CCNB3: variants seen among roughly 807,000 people sequenced by gnomAD.
The protein encoded by CCNB3 is G2/mitotic-specific cyclin-B3.
A neutral mutation model predicts 68.0 loss-of-function variants in CCNB3; 12 were observed. The observed-to-expected ratio is 0.18, with a 90% CI of 0.11 to 0.29. CCNB3 has a LOEUF of 0.29. Among genes scored for constraint, CCNB3 ranks in the 10% least tolerant of loss-of-function variants. The pLI is 1.00. For missense variants in CCNB3, 904 were observed against 993.1 expected, an observed-to-expected ratio of 0.91 and a Z score of 1.21; for synonymous variants, 354 against 388.9, an observed-to-expected ratio of 0.91 and a Z score of 1.06.
intron 5 of CCNB3, among the ~76,000 whole-genome samples, chrX:50,299,045 A>T (rs1251871980): frequency 9.0e-6 from 1 of 111,110 alleles, no homozygotes; most frequent in Admixed American, 9.6e-5. Context: ...TATTCTTGCT[A>T]GCGGTCTATC....
intron 1 of CCNB3, among the ~76,000 whole-genome samples, chrX:50,228,146 TATAA>T (rs1335336546): frequency 1.1e-5 from 1 of 91,023 alleles, no homozygotes; most frequent in Admixed American, 1.4e-4. Flanking sequence ...ATAATATATA[TATAA>T]ATATCTACAT....
rs901907731 is a variant in CCNB3 at position 50,328,464 on chromosome X, A to G, written c.3517-13738A>G. Among the ~76,000 whole-genome samples the G allele has an allele frequency of 1.1e-4, 12 of 111,239 alleles. No homozygotes were observed. In the East Asian group the frequency reaches 3.4e-3, roughly 32 times the overall value. Reference sequence around the variant, plus strand: ...AGTGGGGGAAGTGCCATACACTTTTAAACAACCAGATTTTGCAAGAACTCA... The same window carrying G: ...AGTGGGGGAAGTGCCATACACTTTTGAACAACCAGATTTTGCAAGAACTCA... On this transcript the variant is annotated intron_variant, in intron 8 of 12. Coordinates refer to ENST00000376042, the MANE Select transcript of CCNB3 (RefSeq NM_033031.3).
intron 5 of CCNB3, among the ~76,000 whole-genome samples, chrX:50,298,691 A>C (rs1185827490): frequency 1.1e-4 from 12 of 111,356 alleles, no homozygotes; most frequent in Non-Finnish European, 1.9e-5. Flanking sequence ...TGATTGGAAT[A>C]GTTTCAGAAG....
chrX:50,314,283 G>A (rs1263011212), intron 8 of CCNB3, among the ~76,000 whole-genome samples: 3 of 111,643 alleles, frequency 2.7e-5, no homozygotes, highest in Admixed American at 9.5e-5. Context: ...TTTGGACTGG[G>A]GTCGATGACA....
In CCNB3 at chrX:50,283,874, TTTTTC is replaced by T. The variant is rs778967445; in HGVS notation, c.-112-658_-112-654del. Among the ~76,000 whole-genome samples, 10 of 110,773 alleles carry T rather than the reference TTTTTC, an allele frequency of 9.0e-5. No individual in the cohort carries two copies. In the East Asian group the frequency reaches 2.5e-3, roughly 28 times the overall value. ...ATTACTGGCTTTCCATTATGTTTCT[TTTTTC>T]TTTTCTTTTTTTTTTTTAGTTTGGC... On this transcript the variant is annotated intron_variant, in intron 1 of 12. Coordinates refer to ENST00000376042, the MANE Select transcript of CCNB3 (RefSeq NM_033031.3).
chrX:50,224,890 T>C (rs1935728320), intron 1 of CCNB3, among the ~76,000 whole-genome samples: 1 of 111,741 alleles, frequency 8.9e-6, no homozygotes, highest in Admixed American at 9.6e-5. Flanking sequence ...ATTAAACTTT[T>C]CCATGTCTCA....
chrX:50,351,673 T>A lies in CCNB3; in HGVS notation c.4158T>A (p.Cys1386Ter). 4 of 1,211,271 alleles carry A rather than the reference T, an allele frequency of 3.3e-6. No individual in the cohort carries two copies. The highest frequency in any genetic ancestry group is 4.5e-6 in the Non-Finnish European group (4 of 895,152). ...DMLKLEEILN[C>*]DCEAQGLVL ...TGAAGCTGGAGGAGATTTTGAACTG[T>A]GATTGTGAGGCTCAGGGCCTGGTAC... Residue 1386 changes from cysteine to a stop codon, truncating the protein, a stop_gained, in exon 13 of 13, where the codon TGT (cysteine) becomes TGA (stop). Transcript: ENST00000376042. LOFTEE classifies it low-confidence loss of function (END_TRUNC).
At chrX:50,285,949 T>C (rs1233537213) in intron 3 of CCNB3, among the ~76,000 whole-genome samples, 2 of 112,276 alleles carry the variant, frequency 1.8e-5, no homozygotes, top group African/African-American at 6.5e-5. Flanking sequence ...AAAGATTTGA[T>C]ATATTGATCA....
chrX:50,300,510 G>A (rs1249351965), intron 5 of CCNB3, among the ~76,000 whole-genome samples: 1 of 112,007 alleles, frequency 8.9e-6, no homozygotes, highest in Non-Finnish European at 1.9e-5. Context: ...TCTGCTGTAA[G>A]TCTGATGGGC....
chrX:50,216,095 C>T (rs1254043198), intron 1 of CCNB3, among the ~76,000 whole-genome samples: 3 of 107,153 alleles, frequency 2.8e-5, no homozygotes, highest in African/African-American at 1.0e-4. Context: ...AATACAGGTG[C>T]ACACCACCAC....
At chrX:50,314,886 A>G (rs782422982) in intron 8 of CCNB3, among the ~76,000 whole-genome samples, 1 of 111,661 alleles carries the variant, frequency 9.0e-6, no homozygotes, top group Admixed American at 9.5e-5. Context: ...GTAAATGAGA[A>G]CAGAGAAGAT....
In CCNB3 at chrX:50,310,058, C is replaced by G. The variant is rs186624392; in HGVS notation, c.1889C>G (p.Thr630Arg). 5 of 1,207,312 alleles carry G rather than the reference C, an allele frequency of 4.1e-6. 1 individual carries two copies. The Middle Eastern group carries it at 6.9e-4, about 166-fold the overall frequency. The change falls in exon 6 of 13, where the codon ACG (threonine) becomes AGG (arginine). Residue 630 changes from threonine (T) to arginine (R), a missense_variant. Thr to Arg is a moderately conservative substitution (Grantham distance 71, BLOSUM62 -1). This residue lies in a region of CCNB3 where 619 missense variants were observed against 609.8 expected (regional missense o/e 1.02). Transcript: ENST00000376042. The part of the protein sequence containing the change: ...KLLPFKMKST[T>R]EEKFLSQEPS... Reference sequence around the variant, plus strand: ...TTGCCCTTTAAGATGAAATCTACAACGGAAGAAAAGTTCCTCTCCCAGGAA... The same window carrying G: ...TTGCCCTTTAAGATGAAATCTACAAGGGAAGAAAAGTTCCTCTCCCAGGAA...
At chrX:50,342,916 A>G (rs1557219826) in intron 9 of CCNB3, among the ~76,000 whole-genome samples, 2 of 111,210 alleles carry the variant, frequency 1.8e-5, no homozygotes, top group Non-Finnish European at 3.8e-5. Flanking sequence ...CATGTTGCCC[A>G]GGCTGGTCTT....
At chrX:50,319,424 C>G (rs1234755874) in intron 8 of CCNB3, among the ~76,000 whole-genome samples, 9 of 111,690 alleles carry the variant, frequency 8.1e-5, no homozygotes. Flanking sequence ...TCTATTTATA[C>G]ATTGCCAGTA....
chrX:50,288,231 C>T lies in CCNB3; in HGVS notation c.97-549C>T, dbSNP rs140634934. ...CCAGTGTCCGTGGAAAATTTGTCTTCCATGAAACCAGTCCCTGGTGCCAAA... is the reference window on the plus strand; with the variant it reads ...CCAGTGTCCGTGGAAAATTTGTCTTTCATGAAACCAGTCCCTGGTGCCAAA... On this transcript the variant is annotated intron_variant, in intron 3 of 12. Transcript: ENST00000376042. Among the ~76,000 whole-genome samples the T allele has an allele frequency of 8.7e-3, 965 of 110,430 alleles. 26 individuals are homozygous for T. The East Asian group carries it at 0.089, about 10-fold the overall frequency.
intron 1 of CCNB3, among the ~76,000 whole-genome samples, chrX:50,280,952 G>C (rs1936125770): frequency 9.1e-6 from 1 of 109,355 alleles, no homozygotes; most frequent in Non-Finnish European, 1.9e-5. Flanking sequence ...GTAGAGATGG[G>C]GTTTTTCCAT....
intron 1 of CCNB3, among the ~76,000 whole-genome samples, chrX:50,217,300 G>T (rs1935589687): frequency 1.4e-5 from 1 of 73,222 alleles, no homozygotes. Context: ...TTGAGACGGA[G>T]TCTTGCTCTG....
chrX:50,335,165 C>T (rs908630062), intron 8 of CCNB3, among the ~76,000 whole-genome samples: 1 of 111,841 alleles, frequency 8.9e-6, no homozygotes, highest in Non-Finnish European at 1.9e-5. Context: ...AGGGCCTCCC[C>T]GAAGATAGTA....
intron 5 of CCNB3, 106 bp downstream of exon 5, chrX:50,295,099 C>T (rs1290088744): frequency 3.5e-6 from 3 of 857,787 alleles, no homozygotes; most frequent in East Asian, 6.5e-5. Context: ...GTGACTACCA[C>T]ATTAACCCTG....
Sources: allele counts gnomAD v4.1 joint callset (sites outside exome capture counted in the v4.1 genomes callset), GRCh38; gene constraint gnomAD v4.1.1; regional missense constraint gnomAD v4.1.1; transcripts MANE v1.5; gene names NCBI Gene and HGNC (gene_info 2026-07-23, HGNC 2026-07-21).